The following FHIT variants were observed in gnomAD, a reference collection of about 807,000 sequenced individuals.
FHIT encodes bis(5'-adenosyl)-triphosphatase.
FHIT carries 19 observed loss-of-function variants against 17.9 expected under a neutral mutation model. That is an observed-to-expected ratio of 1.06 (90% confidence interval 0.74 to 1.56). FHIT has a LOEUF of 1.56. Ranked by LOEUF, FHIT falls within the 40% of genes most tolerant of loss-of-function variation. FHIT has a pLI of 0.00. For synonymous variants in FHIT, 81 were observed against 69.7 expected (o/e 1.16, Z -0.81); for missense variants, 248 against 189.2 (o/e 1.31, Z -1.82).
rs756449460 is a variant in FHIT, at chr3:60,530,859, T to C, written c.103+6001A>G. Among the ~76,000 whole-genome samples, 12 of 152,330 alleles carry C rather than the reference T, an allele frequency of 7.9e-5. 1 individual carries two copies. The highest frequency in any genetic ancestry group is 6.5e-5 in the Admixed American group (1 of 15,304). ...CATCCAATAACTTCCTTTGTTCCCA[T>C]TGTCCAGTGCTATCAGAAGCTGCTT... is the stretch of plus-strand genomic sequence containing the variant. On this transcript the variant is annotated intron_variant, in intron 5 of 9. Coordinates refer to ENST00000492590, the MANE Select transcript of FHIT (RefSeq NM_002012.4).
At chr3:60,131,066 TGTATGTATGTATACAC>T (rs1699573595) in intron 5 of FHIT, among the ~76,000 whole-genome samples, 1 of 54,664 alleles carries the variant, frequency 1.8e-5, no homozygotes, top group Non-Finnish European at 3.2e-5. Context: ...TACATACACA[TGTATGTATGTATACAC>T]ATATATACAC....
chr3:59,934,516 C>T (rs753380199), intron 7 of FHIT, among the ~76,000 whole-genome samples: 15 of 152,104 alleles, frequency 9.9e-5, no homozygotes, highest in Non-Finnish European at 1.9e-4. Flanking sequence ...TTTTCAGTGA[C>T]ATAACAGCTT....
intron 8 of FHIT, among the ~76,000 whole-genome samples, chr3:59,823,181 T>G (rs1466980772): frequency 6.6e-6 from 1 of 152,186 alleles, no homozygotes; most frequent in Non-Finnish European, 1.5e-5. Context: ...ACCATGCTGT[T>G]TTGGTGACTA....
At chr3:60,805,641 C>T (rs112134679) in intron 4 of FHIT, among the ~76,000 whole-genome samples, 1,833 of 152,138 alleles carry the variant, frequency 0.012, 19 homozygotes, top group South Asian at 0.047. Context: ...CTGCAAGCTC[C>T]GCCTCCTGGG....
chr3:60,065,429 T>C (rs1473419546), intron 5 of FHIT, among the ~76,000 whole-genome samples: 1 of 152,122 alleles, frequency 6.6e-6, no homozygotes, highest in Non-Finnish European at 1.5e-5. Context: ...TGGTGAGGGT[T>C]GAATAAGATC....
At chr3:60,119,734 T>C (rs1705161321) in intron 5 of FHIT, among the ~76,000 whole-genome samples, 1 of 152,176 alleles carries the variant, frequency 6.6e-6, no homozygotes, top group African/African-American at 2.4e-5. Context: ...TGACTCAATT[T>C]CTACCTCTTC....
At chr3:60,334,559 G>C (rs932580470) in intron 5 of FHIT, among the ~76,000 whole-genome samples, 3 of 152,212 alleles carry the variant, frequency 2.0e-5, no homozygotes, top group African/African-American at 4.8e-5. Context: ...GGCCAAGGCA[G>C]GTGGATCATC....
intron 4 of FHIT, among the ~76,000 whole-genome samples, chr3:60,648,647 G>A (rs902271288): frequency 6.6e-5 from 10 of 152,150 alleles, no homozygotes; most frequent in African/African-American, 1.7e-4. Flanking sequence ...ATGAAGCATC[G>A]CAGGAGCAAA....
At chr3:60,384,112 C>T (rs1559871520) in intron 5 of FHIT, among the ~76,000 whole-genome samples, 1 of 151,792 alleles carries the variant, frequency 6.6e-6, no homozygotes, top group South Asian at 2.1e-4. Flanking sequence ...TACTAAAATA[C>T]AAAAAATTAG....
At chr3:60,798,996 C>A (rs528120759) in intron 4 of FHIT, among the ~76,000 whole-genome samples, 14 of 152,004 alleles carry the variant, frequency 9.2e-5, no homozygotes, top group African/African-American at 3.4e-4. Flanking sequence ...TGTACTGTAC[C>A]CACTGTACCC....
At chr3:60,319,991 T>C (rs1399780050) in intron 5 of FHIT, among the ~76,000 whole-genome samples, 2 of 152,176 alleles carry the variant, frequency 1.3e-5, no homozygotes, top group Non-Finnish European at 2.9e-5. Context: ...CTGGGGGCTC[T>C]TTCAGTACCT....
chr3:60,096,477 G>A (rs1703953899), intron 5 of FHIT, among the ~76,000 whole-genome samples: 2 of 152,186 alleles, frequency 1.3e-5, no homozygotes, highest in Non-Finnish European at 2.9e-5. Flanking sequence ...CTCACTCTGG[G>A]TCGCAGGTTT....
intron 7 of FHIT, among the ~76,000 whole-genome samples, chr3:59,976,394 A>G (rs1256940248): frequency 1.3e-5 from 2 of 152,212 alleles, no homozygotes; most frequent in East Asian, 1.9e-4. Context: ...TTTCAAATAC[A>G]AAAAACACAA....
chr3:60,393,417 T>C (rs890343271), intron 5 of FHIT, among the ~76,000 whole-genome samples: 1 of 149,490 alleles, frequency 6.7e-6, no homozygotes, highest in African/African-American at 2.4e-5. Context: ...ACATATATAA[T>C]ATATAATTTT....
chr3:60,113,180 C>A (rs546415642), intron 5 of FHIT, among the ~76,000 whole-genome samples: 1 of 152,246 alleles, frequency 6.6e-6, no homozygotes, highest in Admixed American at 6.5e-5. Context: ...TTTGCCTGCT[C>A]CTTATCTCCT....
At chr3:60,674,910 C>A (rs1264432032) in intron 4 of FHIT, among the ~76,000 whole-genome samples, 1 of 152,198 alleles carries the variant, frequency 6.6e-6, no homozygotes, top group Admixed American at 6.5e-5. Flanking sequence ...CTACCTCATG[C>A]ATCTCTCTTA....
intron 8 of FHIT, among the ~76,000 whole-genome samples, chr3:59,847,009 CTT>C (rs1485080108): frequency 2.6e-5 from 4 of 152,116 alleles, no homozygotes; most frequent in Admixed American, 2.0e-4. Context: ...AAAATTCTCT[CTT>C]TGTCTCTGAC....
intron 2 of FHIT, among the ~76,000 whole-genome samples, chr3:61,152,648 A>G (rs1033151227): frequency 7.2e-5 from 11 of 152,302 alleles, no homozygotes; most frequent in African/African-American, 2.4e-4. Context: ...TTGGTCAGGC[A>G]AAGTCCTACA....
At chr3:60,328,313 C>G (rs780669451) in intron 5 of FHIT, among the ~76,000 whole-genome samples, 2 of 152,268 alleles carry the variant, frequency 1.3e-5, no homozygotes, top group African/African-American at 2.4e-5. Context: ...CATTTTCATA[C>G]TGCTATGAAG....
Sources: allele counts gnomAD v4.1 joint callset (sites outside exome capture counted in the v4.1 genomes callset), GRCh38; gene constraint gnomAD v4.1.1; transcripts MANE v1.5; gene names NCBI Gene and HGNC (gene_info 2026-07-23, HGNC 2026-07-21).